DTWD2: variants seen among roughly 807,000 people sequenced by gnomAD.
DTWD2 encodes DTW motif tRNA-uridine aminocarboxypropyltransferase 2.
A neutral mutation model predicts 31.8 loss-of-function variants in DTWD2; 39 were observed. The observed-to-expected ratio is 1.22, with a 90% confidence interval of 0.95 to 1.60. The LOEUF is 1.60. DTWD2 is among the 40% of genes most tolerant of loss of function. The pLI is 0.00. For synonymous variants in DTWD2, 180 were observed against 142.8 expected (o/e 1.26, Z -1.86); for missense variants, 515 against 381.5 (o/e 1.35, Z -2.92).
chr5:118,937,770 T>A (rs1419815279), intron 3 of DTWD2, among the ~76,000 whole-genome samples: 1 of 141,348 alleles, frequency 7.1e-6, no homozygotes, highest in Admixed American at 6.9e-5. Context: ...CACCCAGCGG[T>A]TGAATCCCCT....
At chr5:118,927,910 A>AT (rs1484183290) in intron 4 of DTWD2, among the ~76,000 whole-genome samples, 1 of 152,144 alleles carries the variant, frequency 6.6e-6, no homozygotes, top group East Asian at 1.9e-4. Flanking sequence ...ATAACCAAAC[A>AT]TGACAGTGGA....
At chr5:118,938,259 C>A (rs1035962831) in intron 3 of DTWD2, among the ~76,000 whole-genome samples, 7 of 152,094 alleles carry the variant, frequency 4.6e-5, no homozygotes, top group African/African-American at 1.7e-4. Context: ...TATAAATGAT[C>A]TCATTTGCAG....
intron 4 of DTWD2, among the ~76,000 whole-genome samples, chr5:118,851,218 C>CAAAAAAAAAAA (rs35541408): frequency 1.2e-5 from 1 of 81,968 alleles, no homozygotes. Context: ...GACCCTATCT[C>CAAAAAAAAAAA]AAAAAAAAAA....
chr5:118,925,204 G>T (rs550990792), intron 4 of DTWD2, among the ~76,000 whole-genome samples: 1 of 152,222 alleles, frequency 6.6e-6, no homozygotes, highest in African/African-American at 2.4e-5. Flanking sequence ...GGATAACATC[G>T]TTAAAAATAC....
intron 4 of DTWD2, among the ~76,000 whole-genome samples, chr5:118,862,339 A>G (rs1288322111): frequency 6.6e-6 from 1 of 152,208 alleles, no homozygotes; most frequent in Non-Finnish European, 1.5e-5. Flanking sequence ...AGAAAGCTGG[A>G]GTGTCTGCAG....
chr5:118,958,159 G>T (rs980753348), intron 1 of DTWD2, among the ~76,000 whole-genome samples: 5 of 152,108 alleles, frequency 3.3e-5, no homozygotes, highest in African/African-American at 1.2e-4. Flanking sequence ...GAATAAATCA[G>T]ACAGACCACT....
intron 4 of DTWD2, among the ~76,000 whole-genome samples, chr5:118,890,687 C>G (rs998662411): frequency 2.0e-5 from 3 of 149,266 alleles, no homozygotes; most frequent in Admixed American, 6.8e-5. Context: ...TCTTCTGCCT[C>G]AGCCTCCAAA....
At chr5:118,874,519 A>C (rs1208822241) in intron 4 of DTWD2, among the ~76,000 whole-genome samples, 1 of 152,236 alleles carries the variant, frequency 6.6e-6, no homozygotes, top group Non-Finnish European at 1.5e-5. Context: ...GACTGTAAGC[A>C]ACATGATAGA....
At chr5:118,909,572 C>T (rs926285976) in intron 4 of DTWD2, among the ~76,000 whole-genome samples, 1 of 152,224 alleles carries the variant, frequency 6.6e-6, no homozygotes, top group Non-Finnish European at 1.5e-5. Flanking sequence ...TCCACTACCA[C>T]CCCAGGGCCC....
intron 4 of DTWD2, among the ~76,000 whole-genome samples, chr5:118,881,282 A>G (rs765636972): frequency 2.0e-5 from 3 of 152,198 alleles, no homozygotes; most frequent in Non-Finnish European, 4.4e-5. Context: ...CTGTTTTATC[A>G]TAAGTTAATA....
intron 1 of DTWD2, among the ~76,000 whole-genome samples, chr5:118,969,600 T>G (rs1393300219): frequency 1.3e-5 from 2 of 152,158 alleles, no homozygotes; most frequent in African/African-American, 4.8e-5. Flanking sequence ...AAGAGTGACC[T>G]GTTAAAAGAA....
chr5:118,891,767 T>C (rs559321992), intron 4 of DTWD2, among the ~76,000 whole-genome samples: 1 of 152,352 alleles, frequency 6.6e-6, no homozygotes, highest in East Asian at 1.9e-4. Flanking sequence ...AAATGAAATG[T>C]ATTACAAACC....
At chr5:118,868,479 C>T (rs908426333) in intron 4 of DTWD2, among the ~76,000 whole-genome samples, 1 of 152,096 alleles carries the variant, frequency 6.6e-6, no homozygotes, top group Admixed American at 6.5e-5. Flanking sequence ...AGGCAACTCA[C>T]AGAATGGGAG....
At chr5:118,845,879 T>C (rs1312527229) in intron 5 of DTWD2, among the ~76,000 whole-genome samples, 2 of 152,134 alleles carry the variant, frequency 1.3e-5, no homozygotes, top group Non-Finnish European at 2.9e-5. Flanking sequence ...AGATATCACA[T>C]CACAAAGCAC....
At chr5:118,988,165 C>T in intron 1 of DTWD2, 129 bp downstream of exon 1, 1 of 1,167,244 alleles carries the variant, frequency 8.6e-7, no homozygotes, top group Non-Finnish European at 1.2e-6. Context: ...AGATTTCCAA[C>T]GTGCACCCGC....
At chr5:118,929,979 T>G (rs1194542271) in intron 3 of DTWD2, among the ~76,000 whole-genome samples, 1 of 152,206 alleles carries the variant, frequency 6.6e-6, no homozygotes. Flanking sequence ...CCCAAATGTT[T>G]TTGCCATAAT....
intron 3 of DTWD2, among the ~76,000 whole-genome samples, chr5:118,930,124 C>T (rs554882152): frequency 3.0e-4 from 46 of 152,266 alleles, no homozygotes; most frequent in African/African-American, 1.1e-3. Context: ...AATTTGTATG[C>T]CTTTTCTCCC....
chr5:118,930,498 T>C (rs949627825), intron 3 of DTWD2, among the ~76,000 whole-genome samples: 1 of 151,922 alleles, frequency 6.6e-6, no homozygotes, highest in African/African-American at 2.4e-5. Flanking sequence ...CTTAGATTCG[T>C]CAGAGAATTG....
intron 4 of DTWD2, among the ~76,000 whole-genome samples, chr5:118,879,770 T>A (rs115529168): frequency 0.026 from 4,001 of 151,998 alleles, 173 homozygotes; most frequent in African/African-American, 0.091. Context: ...CAGGAATACA[T>A]AGAGGGAAAC....
Sources: gnomAD v4.1 joint callset for allele counts (sites outside exome capture counted in the v4.1 genomes callset) on GRCh38, gnomAD v4.1.1 for gene constraint, MANE v1.5 for transcripts, NCBI Gene and HGNC (gene_info 2026-07-23, HGNC 2026-07-21) for gene names.